The following AGPAT4 variants were observed in gnomAD, a reference collection of about 807,000 sequenced individuals.
AGPAT4 encodes 1-acyl-sn-glycerol-3-phosphate acyltransferase delta.
In AGPAT4, 15 loss-of-function variants were observed where a neutral mutation model predicts 48.0. That is an observed-to-expected ratio of 0.31 (90% CI 0.21 to 0.48). The LOEUF is 0.48. AGPAT4 is among the 20% of genes least tolerant of loss of function. The pLI, the probability that AGPAT4 is intolerant of heterozygous loss-of-function variation, is 0.99. For synonymous variants in AGPAT4, 178 were observed against 198.7 expected (o/e 0.90, Z 0.88); for missense variants, 314 against 482.5 (o/e 0.65, Z 3.27).
chr6:161,194,444 T>TTG (rs34145722), intron 2 of AGPAT4, among the ~76,000 whole-genome samples: 35,472 of 148,710 alleles, frequency 0.24, 4,427 homozygotes, highest in East Asian at 0.45. Context: ...GTGTGTGTGT[T>TTG]TGTGTGTGTG....
Position 161,219,871 on chromosome 6 carries a change from A to AGG in AGPAT4, c.178+12164_178+12165insCC, listed in dbSNP as rs1562343620. On this transcript the variant is annotated intron_variant, in intron 2 of 8. Coordinates refer to ENST00000320285, the MANE Select transcript of AGPAT4 (RefSeq NM_020133.3). This position sits in a 1 kb window ranked among gnomAD's most constrained non-coding sequence, Gnocchi z 4.9. ...GATAGATAGATAGATAGATAGATAG[A>AGG]TAGGCAGGCAGGCAGGCAGGCAGGC... Among the ~76,000 whole-genome samples the AGG allele has an allele frequency of 1.8e-3, 162 of 89,340 alleles. No individual in the cohort carries two copies. The highest frequency in any genetic ancestry group is 3.8e-3 in the South Asian group (10 of 2,600). 58.6% of individuals were successfully genotyped at this position (89,340 alleles called of 152,430 possible). A position where few individuals can be genotyped will look rare whatever the true frequency, so the allele number is the denominator to read the frequency against.
chr6:161,165,978 T>C lies in AGPAT4; in HGVS notation c.348+270A>G, dbSNP rs530538336. The C allele has an allele frequency of 2.1e-5, 13 of 609,646 alleles. No individual in the cohort carries two copies. The highest frequency in any genetic ancestry group is 3.8e-5 in the Non-Finnish European group (13 of 342,312). 37.8% of individuals were successfully genotyped at this position (609,646 alleles called of 1,614,324 possible). A position where few individuals can be genotyped will look rare whatever the true frequency, so the allele number is the denominator to read the frequency against. On this transcript the variant is annotated intron_variant, in intron 3 of 8. Coordinates refer to ENST00000320285, the MANE Select transcript of AGPAT4 (RefSeq NM_020133.3). This position sits in a 1 kb window ranked among gnomAD's most constrained non-coding sequence, Gnocchi z 5.5. ...TTAAAAAATGGAGTGTGGCACATCA[T>C]CTATTCATGTTGCTGTAAGGATTAA...
intron 1 of AGPAT4, among the ~76,000 whole-genome samples, chr6:161,271,765 G>C (rs1393332080): frequency 6.6e-6 from 1 of 152,106 alleles, no homozygotes; most frequent in East Asian, 1.9e-4. Flanking sequence ...TATTCCATTA[G>C]GCTTTTTGCT....
chr6:161,216,444 C>T lies in AGPAT4; in HGVS notation c.178+15592G>A, dbSNP rs1474207188. 2.6e-5 allele frequency among the ~76,000 whole-genome samples: 4 copies of T among 152,144 alleles called. No individual in the cohort carries two copies. Among genetic ancestry groups the T allele is most frequent in the Admixed American group, 6.5e-5 (1 of 15,280 alleles). Reference sequence around the variant, plus strand: ...TCTCCTCAGGACAGTGAAACGCTTCCGGGCAATCGTTCTTTCCTCATTCTT... The same window carrying T: ...TCTCCTCAGGACAGTGAAACGCTTCTGGGCAATCGTTCTTTCCTCATTCTT... On this transcript the variant is annotated intron_variant, in intron 2 of 8. Coordinates refer to ENST00000320285, the MANE Select transcript of AGPAT4 (RefSeq NM_020133.3). This position sits in a 1 kb window ranked among gnomAD's most constrained non-coding sequence, Gnocchi z 4.8.
intron 2 of AGPAT4, among the ~76,000 whole-genome samples, chr6:161,172,864 A>G (rs995251046): frequency 2.0e-5 from 3 of 151,606 alleles, no homozygotes; most frequent in Admixed American, 6.6e-5. Context: ...TCATTGTTCA[A>G]TTCCCACCTA....
rs879773100 is a variant in AGPAT4 at position 161,142,585 on chromosome 6, G to A, written c.844-2965C>T. ...GCAACAAAGGCACTAGGGAGGAAGCGTGCGAAGGAGACGTCCACACAGCAC... is the reference window on the plus strand; with the variant it reads ...GCAACAAAGGCACTAGGGAGGAAGCATGCGAAGGAGACGTCCACACAGCAC... On this transcript the variant is annotated intron_variant, in intron 7 of 8. Transcript: ENST00000320285. The surrounding 1 kb of genome is among the most constrained non-coding windows in gnomAD (Gnocchi z 6.4). 2.0e-5 allele frequency among the ~76,000 whole-genome samples: 3 copies of A among 152,178 alleles called. No individual in the cohort carries two copies. Among genetic ancestry groups the A allele is most frequent in the Admixed American group, 6.5e-5 (1 of 15,282 alleles).
At chr6:161,228,661 T>TAGAAAAAAAAAAAAAAAAAAA (rs1782046448) in intron 2 of AGPAT4, among the ~76,000 whole-genome samples, 1 of 84,090 alleles carries the variant, frequency 1.2e-5, no homozygotes, top group Non-Finnish European at 2.2e-5. Context: ...GTCAGAGAGG[T>TAGAAAAAAAAAAAAAAAAAAA]AAAAAAAAAA....
rs1162895662 is a variant in AGPAT4 at position 161,195,611 on chromosome 6, T to C, written c.179-29194A>G. Among the ~76,000 whole-genome samples the C allele has an allele frequency of 6.6e-6, 1 of 152,208 alleles. No homozygotes were observed. The highest frequency in any genetic ancestry group is 2.4e-5 in the African/African-American group (1 of 41,460). On this transcript the variant is annotated intron_variant, in intron 2 of 8. Transcript: ENST00000320285. This position sits in a 1 kb window ranked among gnomAD's most constrained non-coding sequence, Gnocchi z 5.0. ...GCAAATGTTGCAGAACTTCATCATG[T>C]GATCAAAGCTGCAGAAGGAGAAAGA...
chr6:161,176,043 T>A (rs1280920063), intron 2 of AGPAT4, among the ~76,000 whole-genome samples: 2 of 152,152 alleles, frequency 1.3e-5, no homozygotes, highest in African/African-American at 4.8e-5. Context: ...TGCTGAGGAG[T>A]GCTTTACTTC....
chr6:161,181,517 C>T (rs1214757531), intron 2 of AGPAT4, among the ~76,000 whole-genome samples: 3 of 146,102 alleles, frequency 2.1e-5, no homozygotes, highest in African/African-American at 7.5e-5. Flanking sequence ...GGGCGGGGGG[C>T]GCTTCCTAAC....
intron 2 of AGPAT4, among the ~76,000 whole-genome samples, chr6:161,224,782 A>G (rs1195300776): frequency 6.6e-6 from 1 of 152,208 alleles, no homozygotes; most frequent in Non-Finnish European, 1.5e-5. Context: ...TTCTTGAATA[A>G]ATCAGAAAAT....
intron 2 of AGPAT4, among the ~76,000 whole-genome samples, chr6:161,179,889 T>A (rs559913070): frequency 5.9e-5 from 9 of 152,340 alleles, no homozygotes; most frequent in African/African-American, 1.9e-4. Flanking sequence ...TCCAGTCAAC[T>A]GTAGGCTATT....
At position 161,158,936 on chromosome 6, in the gene AGPAT4, G is replaced by A. The variant is rs1321973429; in HGVS notation, c.349-4626C>T. ...TCTATGGCCAGCTTTGTTTGCAAAC[G>A]TCCAGTCATTCATGAAGGTTTCCCA... is the stretch of plus-strand genomic sequence containing the variant. On this transcript the variant is annotated intron_variant, in intron 3 of 8. Transcript: ENST00000320285. This position sits in a 1 kb window ranked among gnomAD's most constrained non-coding sequence, Gnocchi z 5.3. Among the ~76,000 whole-genome samples the A allele has an allele frequency of 3.3e-5, 5 of 152,194 alleles. No homozygotes were observed. Among genetic ancestry groups the A allele is most frequent in the East Asian group, 1.9e-4 (1 of 5,194 alleles).
In AGPAT4 at chr6:161,231,038, T is replaced by C. The variant is rs1443680014; in HGVS notation, c.178+998A>G. On this transcript the variant is annotated intron_variant, in intron 2 of 8. Coordinates refer to ENST00000320285, the MANE Select transcript of AGPAT4 (RefSeq NM_020133.3). The surrounding 1 kb of genome is among the most constrained non-coding windows in gnomAD (Gnocchi z 5.3). The stretch of plus-strand genomic sequence containing the variant: ...TTATACATAGCTTGAATTGTCTTGA[T>C]TCAAATTCAAATTTGATCATTTTAA... Among the ~76,000 whole-genome samples the C allele has an allele frequency of 1.4e-5, 2 of 143,208 alleles. No individual in the cohort carries two copies. The highest frequency in any genetic ancestry group is 5.6e-5 in the African/African-American group (2 of 35,822). The allele number at this position is 143,208 out of a possible 152,430, so 94.0% of individuals were successfully genotyped here.
chr6:161,253,260 A>AT (rs71004034), intron 1 of AGPAT4, among the ~76,000 whole-genome samples: 30,525 of 143,800 alleles, frequency 0.21, 3,487 homozygotes, highest in Admixed American at 0.32. Flanking sequence ...ACTTTTTTTA[A>AT]TTTTTTTTTT....
intron 1 of AGPAT4, among the ~76,000 whole-genome samples, chr6:161,271,322 G>A (rs1279950161): frequency 6.6e-6 from 1 of 152,170 alleles, no homozygotes; most frequent in Non-Finnish European, 1.5e-5. Context: ...GCAGGATGAA[G>A]ACTCTCTAGT....
rs549556000 is a variant in AGPAT4 at position 161,133,756 on chromosome 6, C to T, written c.*2784G>A. 2 of 152,218 alleles carry T rather than the reference C, an allele frequency of 1.3e-5. No homozygotes were observed. Among genetic ancestry groups the T allele is most frequent in the Non-Finnish European group, 2.9e-5 (2 of 68,068 alleles). The allele number at this position is 152,218 out of a possible 1,614,324, so 9.4% of individuals were successfully genotyped here. A position where few individuals can be genotyped will look rare whatever the true frequency, so the allele number is the denominator to read the frequency against. ...TATTTTTCTCTGCCACCTTGAACTA[C>T]AGAACAGGCTCTCAGTAGCGTGATA... On this transcript the variant is annotated 3_prime_UTR_variant, in exon 9 of 9. Transcript: ENST00000320285.
At chr6:161,160,999 A>G in intron 3 of AGPAT4, 1 of 456,226 alleles carries the variant, frequency 2.2e-6, no homozygotes, top group Middle Eastern at 3.3e-4. Context: ...ATGGGGCATC[A>G]GAGGGCCCTA....
rs1241411888 is a variant in AGPAT4 at position 161,146,868 on chromosome 6, C to T, written c.768-269G>A. ...CTGTGAGAACAGGGGACACCTGCCT[C>T]ATTCCGTCTTCCCTCCCACCTCACA... On this transcript the variant is annotated intron_variant, in intron 6 of 8. Transcript: ENST00000320285. This position sits in a 1 kb window ranked among gnomAD's most constrained non-coding sequence, Gnocchi z 7.1. Among the ~76,000 whole-genome samples, 1 of 152,194 alleles carries T rather than the reference C, an allele frequency of 6.6e-6. No individual in the cohort carries two copies. Among genetic ancestry groups the T allele is most frequent in the Non-Finnish European group, 1.5e-5 (1 of 68,030 alleles).
Sources: gnomAD v4.1 joint callset for allele counts (sites outside exome capture counted in the v4.1 genomes callset) on GRCh38, gnomAD v4.1.1 for gene constraint, Gnocchi (gnomAD v3.1) non-coding constraint, MANE v1.5 for transcripts, NCBI Gene and HGNC (gene_info 2026-07-23, HGNC 2026-07-21) for gene names.